Variants in CNNM3 observed in about 807,000 individuals in gnomAD.
CNNM3 encodes metal transporter CNNM3.
A neutral mutation model predicts 57.1 loss-of-function variants in CNNM3; 47 were observed. The ratio of observed to expected loss-of-function variants is 0.82; its 90% CI spans 0.65 to 1.05. The LOEUF (loss-of-function observed/expected upper bound fraction) is 1.05, where lower values mean the gene tolerates loss of function less well. Ranked by LOEUF, CNNM3 falls within the 50% of genes least tolerant of loss-of-function variation. The probability of loss-of-function intolerance (pLI) is 0.00; values close to 1 mark genes in which losing one functional copy is unlikely to be tolerated. For missense variants in CNNM3, 957 were observed against 973.7 expected (o/e 0.98, Z 0.23); for synonymous variants, 507 against 478.2 (o/e 1.06, Z -0.79).
intron 2 of CNNM3, among the ~76,000 whole-genome samples, chr2:96,825,670 A>G (rs780735313): frequency 6.6e-6 from 1 of 151,232 alleles, no homozygotes; most frequent in Non-Finnish European, 1.5e-5. Context: ...TGGGAGGCCC[A>G]GGCAGGCAGA....
Position 96,816,872 on chromosome 2 carries a change from C to G in CNNM3, c.595C>G (p.Leu199Val). ...RWAGCALGAL[L>V]LLASLAQAAL... ...GGCCGGCTGCGCCTTGGGCGCGCTG[C>G]TGCTGCTGGCCAGCCTGGCGCAGGC... Residue 199 changes from leucine (L) to valine (V), a missense_variant, in exon 1 of 8, where the codon CTG (leucine) becomes GTG (valine). Physicochemically the swap from Leu to Val is conservative, Grantham distance 32. Around this residue, in one of 2 missense-constraint regions of CNNM3, gnomAD observed 466 missense variants for 403.1 expected, o/e 1.16. Transcript: ENST00000305510. 2 of 1,092,950 alleles carry G rather than the reference C, an allele frequency of 1.8e-6. No homozygotes were observed. The highest frequency in any genetic ancestry group is 2.2e-6 in the Non-Finnish European group (2 of 902,696). The allele number at this position is 1,092,950 out of a possible 1,614,324, so 67.7% of individuals were successfully genotyped here. A position where few individuals can be genotyped will look rare whatever the true frequency, so the allele number is the denominator to read the frequency against.
At position 96,817,382 on chromosome 2, in the gene CNNM3, G is replaced by A. The variant is rs370817712; in HGVS notation, c.1105G>A (p.Ala369Thr). The A allele has an allele frequency of 1.9e-6, 3 of 1,614,046 alleles. No individual in the cohort carries two copies. The highest frequency in any genetic ancestry group is 1.6e-4 in the Middle Eastern group (1 of 6,084). ...IVDMLYLKDL[A>T]FVDPEDCTPL... ...GGACATGCTCTACCTCAAGGACTTG[G>A]CCTTCGTGGATCCCGAAGACTGCAC... Residue 369 changes from alanine to threonine, a missense_variant, in exon 1 of 8, where the codon GCC becomes ACC. Physicochemically the swap from Ala to Thr is moderately conservative, Grantham distance 58. Around this residue, in one of 2 missense-constraint regions of CNNM3, gnomAD observed 491 missense variants for 570.6 expected, o/e 0.86. Coordinates refer to ENST00000305510, the MANE Select transcript of CNNM3 (RefSeq NM_017623.5).
intron 3 of CNNM3, among the ~76,000 whole-genome samples, chr2:96,827,416 T>C (rs1017253245): frequency 2.0e-5 from 3 of 152,096 alleles, no homozygotes; most frequent in Non-Finnish European, 4.4e-5. Flanking sequence ...TACAGGCGTG[T>C]ATCACCACGC....
At chr2:96,836,088 C>CT (rs1553484521), downstream of CNNM3, among the ~76,000 whole-genome samples, 182 of 143,502 alleles carry the variant, frequency 1.3e-3, 2 homozygotes, top group Middle Eastern at 0.01. Flanking sequence ...CCCTCCCCCC[C>CT]TTTTTTTTTT....
At position 96,832,978 on chromosome 2, in the gene CNNM3, T is replaced by C; in HGVS notation, c.*362T>C. The stretch of plus-strand genomic sequence containing the variant: ...GACCTCTTTGGGCTGAGCCACCTTG[T>C]GAGTGCAGTTACTGCCTTTGTGTGG... On this transcript the variant is annotated 3_prime_UTR_variant, in exon 8 of 8. Coordinates refer to ENST00000305510, the MANE Select transcript of CNNM3 (RefSeq NM_017623.5). 1 of 1,349,310 alleles carries C rather than the reference T, an allele frequency of 7.4e-7. No individual in the cohort carries two copies. The highest frequency in any genetic ancestry group is 9.7e-7 in the Non-Finnish European group (1 of 1,027,676). 83.6% of individuals were successfully genotyped at this position (1,349,310 alleles called of 1,614,324 possible).
chr2:96,821,005 A>T (rs2079397859), intron 1 of CNNM3, among the ~76,000 whole-genome samples: 1 of 152,114 alleles, frequency 6.6e-6, no homozygotes, highest in African/African-American at 2.4e-5. Flanking sequence ...CCTCTGCTTG[A>T]AACAGACCTT....
In CNNM3 at chr2:96,829,014, C is replaced by T. The variant is rs774514356; in HGVS notation, c.1939C>T (p.Leu647Phe). The T allele has an allele frequency of 2.6e-5, 42 of 1,613,932 alleles. No individual in the cohort carries two copies. Among genetic ancestry groups the T allele is most frequent in the Non-Finnish European group, 3.5e-5 (41 of 1,179,980 alleles). The stretch of plus-strand genomic sequence containing the variant: ...CCTCCAGGTTACGCGACTGCAGTAC[C>T]TCAATGCACTCCTGGCTACCCGAGC... Reference protein sequence around the residue: ...QLIKVTRLQYLNALLATRAQN... With the variant: ...QLIKVTRLQYFNALLATRAQN... Residue 647 changes from leucine (L) to phenylalanine (F), a missense_variant, in exon 7 of 8, where the codon CTC becomes TTC. By Grantham distance (22) the Leu-to-Phe change is conservative (BLOSUM62 0). This residue lies in a region of CNNM3 where 491 missense variants were observed against 570.6 expected (regional missense o/e 0.86). Transcript: ENST00000305510.
At position 96,826,762 on chromosome 2, in the gene CNNM3, C is replaced by T. The variant is rs570580700; in HGVS notation, c.1370-71C>T. 25 of 1,571,218 alleles carry T rather than the reference C, an allele frequency of 1.6e-5. No homozygotes were observed. In the South Asian group the frequency reaches 2.3e-4, roughly 14 times the overall value. ...CCTCAGGAGGAAGGAGCAGGCGATG[C>T]AGCCCCTTAGTGTGGTCGTGTTGAC... On this transcript the variant is annotated intron_variant, in intron 2 of 7. Coordinates refer to ENST00000305510, the MANE Select transcript of CNNM3 (RefSeq NM_017623.5).
rs776845739 is a variant in CNNM3 at position 96,834,713 on chromosome 2, G to T, written c.*2097G>T. Among the ~76,000 whole-genome samples, 7 of 151,986 alleles carry T rather than the reference G, an allele frequency of 4.6e-5. No individual in the cohort carries two copies. Among genetic ancestry groups the T allele is most frequent in the African/African-American group, 1.5e-4 (6 of 41,352 alleles). ...ATGTTAACAGCTTACATATAACCTT[G>T]GTACATTTATCAAAACTAAAGGTGC... On this transcript the variant is annotated 3_prime_UTR_variant, in exon 8 of 8. Transcript: ENST00000305510.
Position 96,835,256 on chromosome 2 carries a change from G to A in CNNM3, c.*2640G>A, listed in dbSNP as rs1340097287. 5.9e-5 allele frequency among the ~76,000 whole-genome samples: 9 copies of A among 152,152 alleles called. No individual in the cohort carries two copies. Among genetic ancestry groups the A allele is most frequent in the Non-Finnish European group, 1.5e-5 (1 of 68,032 alleles). On this transcript the variant is annotated 3_prime_UTR_variant, in exon 8 of 8. Transcript: ENST00000305510. ...GGGAGATCATCCAGGCATTGCATGT[G>A]TCAACAGTTTGCTCCTTTTTATTGC...
chr2:96,817,345 C>G lies in CNNM3; in HGVS notation c.1068C>G (p.Arg356=). 1 of 1,614,186 alleles carries G rather than the reference C, an allele frequency of 6.2e-7. No individual in the cohort carries two copies. Among genetic ancestry groups the G allele is most frequent in the East Asian group, 2.2e-5 (1 of 44,876 alleles). Reference sequence around the variant, plus strand: ...GCATCCCGGTGTACGAGGAGGAGCGCTCCAACATCGTGGACATGCTCTACC... The same window carrying G: ...GCATCCCGGTGTACGAGGAGGAGCGGTCCAACATCGTGGACATGCTCTACC... ...HTRIPVYEEE[R]SNIVDMLYLK... Residue 356 remains arginine (R), a synonymous_variant, in exon 1 of 8, where the codon CGC becomes CGG. Coordinates refer to ENST00000305510, the MANE Select transcript of CNNM3 (RefSeq NM_017623.5).
intron 3 of CNNM3, among the ~76,000 whole-genome samples, 184 bp from the exon 4 acceptor site, chr2:96,827,547 C>A (rs1279282931): frequency 6.6e-6 from 1 of 152,156 alleles, no homozygotes; most frequent in Non-Finnish European, 1.5e-5. Flanking sequence ...GGATTACAGG[C>A]GTGAGCCACC....
chr2:96,816,298 G>A lies in CNNM3; in HGVS notation c.21G>A (p.Ala7=). The change falls in exon 1 of 8, where the codon GCG becomes GCA. Residue 7 remains alanine (A), a synonymous_variant. Coordinates refer to ENST00000305510, the MANE Select transcript of CNNM3 (RefSeq NM_017623.5). ...AGGCGATGGCGGCGGCGGTAGCTGC[G>A]GCGGGTCGGTTAGGCTGGTTGTTCG... MAAAVA[A]AGRLGWLFAA... The A allele has an allele frequency of 1.5e-6, 2 of 1,290,824 alleles. No individual in the cohort carries two copies. Among genetic ancestry groups the A allele is most frequent in the Non-Finnish European group, 2.0e-6 (2 of 1,020,976 alleles). 80.0% of individuals were successfully genotyped at this position (1,290,824 alleles called of 1,614,324 possible).
intron 7 of CNNM3, chr2:96,832,307 C>T: frequency 1.0e-6 from 1 of 985,378 alleles, no homozygotes; most frequent in Non-Finnish European, 1.2e-6. Context: ...TCTTGTTCAG[C>T]ATAATGACCT....
rs1003137884 is a variant in CNNM3 at position 96,816,533 on chromosome 2, T to C, written c.256T>C (p.Cys86Arg). 1.6e-5 allele frequency: 21 copies of C among 1,353,586 alleles called. No individual in the cohort carries two copies. Among genetic ancestry groups the C allele is most frequent in the East Asian group, 3.1e-5 (1 of 32,470 alleles). 83.8% of individuals were successfully genotyped at this position (1,353,586 alleles called of 1,614,324 possible). ...WSWVAPEGAGCREEAASPAGE... is the reference protein window; with the variant it reads ...WSWVAPEGAGRREEAASPAGE... The stretch of plus-strand genomic sequence containing the variant: ...CTGGGTGGCCCCGGAGGGGGCGGGC[T>C]GCCGGGAGGAGGCGGCCTCCCCCGC... The change falls in exon 1 of 8, where the codon TGC becomes CGC. Residue 86 changes from cysteine to arginine, a missense_variant. This residue lies in a region of CNNM3 where 466 missense variants were observed against 403.1 expected (regional missense o/e 1.16). Transcript: ENST00000305510.
At position 96,817,047 on chromosome 2, in the gene CNNM3, G is replaced by A; in HGVS notation, c.770G>A (p.Gly257Asp). The change falls in exon 1 of 8, where the codon GGC becomes GAC. Residue 257 changes from glycine (G) to aspartate (D), a missense_variant. Physicochemically the swap from Gly to Asp is moderately conservative, Grantham distance 94 (BLOSUM62 -1). Transcript: ENST00000305510. ...CTGGCGCTGGCGCCGCGAGCGCTCG[G>A]CCTCAGCCGCCTGGCCGTCCTGCTC... ...WTLALAPRAL[G>D]LSRLAVLLTL... 1.5e-6 allele frequency: 2 copies of A among 1,368,602 alleles called. No homozygotes were observed. The highest frequency in any genetic ancestry group is 1.9e-6 in the Non-Finnish European group (2 of 1,060,464). 84.8% of individuals were successfully genotyped at this position (1,368,602 alleles called of 1,614,324 possible).
At chr2:96,817,802 C>T (rs1048661383) in intron 1 of CNNM3, among the ~76,000 whole-genome samples, 6 of 152,028 alleles carry the variant, frequency 3.9e-5, no homozygotes, top group African/African-American at 1.2e-4. Context: ...CTCTAATCCC[C>T]CAGCTCTTTC....
At position 96,826,891 on chromosome 2, in the gene CNNM3, G is replaced by A; in HGVS notation, c.1428G>A (p.Glu476=). 6.2e-7 allele frequency: 1 copy of A among 1,614,246 alleles called. No homozygotes were observed. Among genetic ancestry groups the A allele is most frequent in the Non-Finnish European group, 8.5e-7 (1 of 1,180,040 alleles). Reference sequence around the variant, plus strand: ...TGATGGCCCCTCTGAAGCGGAAGGAGGAGTTCTCCTTGTTCAAGGTGTCTG... The same window carrying A: ...TGATGGCCCCTCTGAAGCGGAAGGAAGAGTTCTCCTTGTTCAAGGTGTCTG... ...ASLMAPLKRK[E]EFSLFKVSDD... is the part of the protein sequence containing the mutation. Residue 476 remains glutamate (E), a synonymous_variant, in exon 3 of 8, where the codon GAG becomes GAA. Coordinates refer to ENST00000305510, the MANE Select transcript of CNNM3 (RefSeq NM_017623.5).
At chr2:96,823,736 C>G (rs1396765171) in intron 1 of CNNM3, among the ~76,000 whole-genome samples, 1 of 152,232 alleles carries the variant, frequency 6.6e-6, no homozygotes, top group Non-Finnish European at 1.5e-5. Context: ...CAGATACCCC[C>G]TCACAGGCAG....
Sources: gnomAD v4.1 joint callset for allele counts (sites outside exome capture counted in the v4.1 genomes callset) on GRCh38, gnomAD v4.1.1 for gene constraint, gnomAD v4.1.1 regional missense constraint, MANE v1.5 for transcripts, NCBI Gene and HGNC (gene_info 2026-07-23, HGNC 2026-07-21) for gene names.